DOCK8: variants seen among roughly 807,000 people sequenced by gnomAD.
DOCK8 encodes dedicator of cytokinesis protein 8.
A neutral mutation model predicts 245.6 loss-of-function variants in DOCK8; 141 were observed. That is an observed-to-expected ratio of 0.57 (90% confidence interval 0.50 to 0.66). DOCK8 has a LOEUF of 0.66. Among genes scored for constraint, DOCK8 ranks in the 30% least tolerant of loss-of-function variants. DOCK8 has a pLI of 0.00. For synonymous variants in DOCK8, 1,168 were observed against 970.2 expected (o/e 1.20, Z -3.79); for missense variants, 2,965 against 2,603.4 (o/e 1.14, Z -3.02).
At chr9:212,081 C>T (rs781485205), upstream of DOCK8, among the ~76,000 whole-genome samples, 2 of 152,176 alleles carry the variant, frequency 1.3e-5, no homozygotes, top group Admixed American at 1.3e-4. Context: ...CACTTAACTT[C>T]TCTAAGCCTC....
intron 1 of DOCK8, among the ~76,000 whole-genome samples, chr9:257,188 G>A (rs986912455): frequency 6.6e-6 from 1 of 152,174 alleles, no homozygotes; most frequent in African/African-American, 2.4e-5. Context: ...GGGGAAGAAG[G>A]GAATGGAAGA....
chr9:256,427 C>CT (rs1402363019), intron 1 of DOCK8, among the ~76,000 whole-genome samples: 1 of 152,192 alleles, frequency 6.6e-6, no homozygotes, highest in Non-Finnish European at 1.5e-5. Flanking sequence ...GCTTCAGCTT[C>CT]TTTTTCTATA....
intron 34 of DOCK8, among the ~76,000 whole-genome samples, chr9:427,454 A>G (rs1243299098): frequency 3.9e-5 from 6 of 152,234 alleles, no homozygotes; most frequent in African/African-American, 1.2e-4. Context: ...TTTGTTAAGG[A>G]AAGTCATTTG....
At chr9:281,641 CTG>C (rs60099453) in intron 2 of DOCK8, among the ~76,000 whole-genome samples, 82,515 of 150,560 alleles carry the variant, frequency 0.55, 22,625 homozygotes, top group East Asian at 0.75. Context: ...GTTTGTGTGC[CTG>C]TGTGTGTGTG....
intron 46 of DOCK8, among the ~76,000 whole-genome samples, chr9:453,928 A>G (rs537639161): frequency 1.1e-3 from 160 of 152,318 alleles, no homozygotes; most frequent in Non-Finnish European, 1.8e-3. Flanking sequence ...AGCACTCACT[A>G]TATTCCAGGC....
chr9:234,484 C>T (rs1355086026), intron 1 of DOCK8, among the ~76,000 whole-genome samples: 1 of 152,212 alleles, frequency 6.6e-6, no homozygotes, highest in Non-Finnish European at 1.5e-5. Flanking sequence ...TAATATCCTG[C>T]AGAGTGTTTT....
In DOCK8 at chr9:256,904, A is replaced by T. The variant is rs1448183859; in HGVS notation, c.54-14723A>T. On this transcript the variant is annotated intron_variant, in intron 1 of 47. Coordinates refer to ENST00000432829, the MANE Select transcript of DOCK8 (RefSeq NM_203447.4). The stretch of plus-strand genomic sequence containing the variant: ...ACTTGAAAGAATAAATCAATGTCAG[A>T]CATCTGGGCTTATGTCTCATCTTTC... Among the ~76,000 whole-genome samples, 3 of 152,178 alleles carry T rather than the reference A, an allele frequency of 2.0e-5. No individual in the cohort carries two copies. The East Asian group carries it at 5.8e-4, about 29-fold the overall frequency.
intron 7 of DOCK8, among the ~76,000 whole-genome samples, chr9:322,496 A>G (rs2050553508): frequency 6.6e-6 from 1 of 150,462 alleles, no homozygotes; most frequent in Non-Finnish European, 1.5e-5. Context: ...AACTGTGTAG[A>G]CTTTGGCAAG....
chr9:339,787 G>A (rs58571474), intron 13 of DOCK8, among the ~76,000 whole-genome samples: 1 of 152,134 alleles, frequency 6.6e-6, no homozygotes, highest in Non-Finnish European at 1.5e-5. Flanking sequence ...GTGCTGAGAT[G>A]ACAGGCGTGA....
Position 368,128 on chromosome 9 carries a change from C to T in DOCK8, c.1790C>T (p.Ala597Val), listed in dbSNP as rs17673268. 159,029 of 1,612,634 alleles carry T rather than the reference C, an allele frequency of 0.099. 9,249 individuals carry two copies. Among genetic ancestry groups the T allele is most frequent in the Non-Finnish European group, 0.12 (136,288 of 1,178,608 alleles). The change falls in exon 15 of 48, where the codon GCG becomes GTG. Residue 597 changes from alanine to valine, a missense_variant. Coordinates refer to ENST00000432829, the MANE Select transcript of DOCK8 (RefSeq NM_203447.4). ...ATGTGTGGAGAAGATGCTAGCAATG[C>T]GATGCCGGTAAGGAGGGAAACGAAC... is the stretch of plus-strand genomic sequence containing the variant. ...QFMCGEDASNAMPVIFGKSSG... is the reference protein window; with the variant it reads ...QFMCGEDASNVMPVIFGKSSG...
At chr9:309,349 G>C (rs2130661027) in intron 5 of DOCK8, among the ~76,000 whole-genome samples, 1 of 152,084 alleles carries the variant, frequency 6.6e-6, no homozygotes, top group East Asian at 1.9e-4. Context: ...TGATCTAGTA[G>C]AGTAGTACTT....
At chr9:276,829 G>C (rs967525341) in intron 2 of DOCK8, among the ~76,000 whole-genome samples, 2 of 152,068 alleles carry the variant, frequency 1.3e-5, no homozygotes, top group Non-Finnish European at 2.9e-5. Flanking sequence ...TTTATTTAGA[G>C]ACAGGGCCTT....
In DOCK8 at chr9:406,420, G is replaced by C. The variant is rs550899852; in HGVS notation, c.3391-510G>C. Among the ~76,000 whole-genome samples, 4 of 151,186 alleles carry C rather than the reference G, an allele frequency of 2.6e-5. No individual in the cohort carries two copies. In the South Asian group the frequency reaches 8.4e-4, roughly 32 times the overall value. On this transcript the variant is annotated intron_variant, in intron 27 of 47. Coordinates refer to ENST00000432829, the MANE Select transcript of DOCK8 (RefSeq NM_203447.4). ...GAGAATTGCTTGAACCCGGGAGAGG[G>C]AGGTTGCAGTGAGCTGAGACCATGC... is the stretch of plus-strand genomic sequence containing the variant.
intron 1 of DOCK8, among the ~76,000 whole-genome samples, chr9:219,026 T>G (rs1309447447): frequency 6.6e-6 from 1 of 152,238 alleles, no homozygotes; most frequent in Non-Finnish European, 1.5e-5. Flanking sequence ...GCAGGCAGCC[T>G]GGCTCCAGAG....
intron 4 of DOCK8, among the ~76,000 whole-genome samples, chr9:301,598 C>T (rs556162176): frequency 1.3e-5 from 2 of 152,340 alleles, no homozygotes; most frequent in South Asian, 2.1e-4. Context: ...ACCCAGAAAA[C>T]ACTGCAGACC....
intron 46 of DOCK8, chr9:452,873 A>G (rs1409182345): frequency 2.6e-5 from 4 of 152,238 alleles, no homozygotes; most frequent in African/African-American, 9.7e-5. Context: ...CTTGTAATTT[A>G]TTGCAATACA....
At chr9:425,394 C>T (rs10974358) in intron 33 of DOCK8, among the ~76,000 whole-genome samples, 47,721 of 151,494 alleles carry the variant, frequency 0.32, 8,193 homozygotes, top group African/African-American at 0.43. Flanking sequence ...TAGCCGGGCG[C>T]GGTGGCGGGC....
intron 4 of DOCK8, among the ~76,000 whole-genome samples, chr9:300,519 G>C (rs1251978167): frequency 6.6e-6 from 1 of 151,376 alleles, no homozygotes; most frequent in Non-Finnish European, 1.5e-5. Flanking sequence ...AAATTAAAAC[G>C]TGAAAATCCA....
intron 9 of DOCK8, among the ~76,000 whole-genome samples, chr9:330,244 G>T (rs560519280): frequency 1.3e-5 from 2 of 152,134 alleles, no homozygotes; most frequent in Admixed American, 6.5e-5. Context: ...GGAAAGAAGA[G>T]TGAAAATGGG....
Sources: allele counts gnomAD v4.1 joint callset (sites outside exome capture counted in the v4.1 genomes callset), GRCh38; gene constraint gnomAD v4.1.1; transcripts MANE v1.5; gene names NCBI Gene and HGNC (gene_info 2026-07-23, HGNC 2026-07-21).